The following DTWD2 variants were observed in gnomAD, a reference collection of about 807,000 sequenced individuals.
DTWD2 encodes tRNA-uridine aminocarboxypropyltransferase 2.
DTWD2 carries 39 observed loss-of-function variants against 31.8 expected under a neutral mutation model. The observed-to-expected ratio is 1.22, with a 90% CI of 0.95 to 1.60. The LOEUF is 1.60. DTWD2 is among the 40% of genes most tolerant of loss of function. The pLI is 0.00. For missense variants in DTWD2, 515 were observed against 381.5 expected, an observed-to-expected ratio of 1.35 and a Z score of -2.92; for synonymous variants, 180 against 142.8, an observed-to-expected ratio of 1.26 and a Z score of -1.86.
At chr5:118,887,086 T>A (rs975210215) in intron 4 of DTWD2, among the ~76,000 whole-genome samples, 1 of 152,174 alleles carries the variant, frequency 6.6e-6, no homozygotes, top group Admixed American at 6.5e-5. Flanking sequence ...CAAAAAAATT[T>A]TTCTGAGTGG....
chr5:118,857,213 T>C (rs1350798232), intron 4 of DTWD2, among the ~76,000 whole-genome samples: 1 of 152,172 alleles, frequency 6.6e-6, no homozygotes, highest in Non-Finnish European at 1.5e-5. Context: ...GAGTGAACTT[T>C]CCTATTCATG....
chr5:118,840,865 T>G lies in DTWD2; in HGVS notation c.*52A>C, dbSNP rs1177357323. On this transcript the variant is annotated 3_prime_UTR_variant, in exon 6 of 6. Transcript: ENST00000510708. The stretch of plus-strand genomic sequence containing the variant: ...AGACCTTAACTATATGAAAACTTAA[T>G]TTGGTATTGTTAGATGAAGACAGTT... The G allele has an allele frequency of 4.5e-6, 7 of 1,563,186 alleles. No individual in the cohort carries two copies. In the East Asian group the frequency reaches 1.4e-4, roughly 31 times the overall value.
rs1236192433 is a variant in DTWD2, at chr5:118,836,776, A to G, written c.*4141T>C. 1.3e-5 allele frequency among the ~76,000 whole-genome samples: 2 copies of G among 152,190 alleles called. No individual in the cohort carries two copies. The highest frequency in any genetic ancestry group is 4.8e-5 in the African/African-American group (2 of 41,450). On this transcript the variant is annotated 3_prime_UTR_variant, in exon 6 of 6. Coordinates refer to ENST00000510708, the MANE Select transcript of DTWD2 (RefSeq NM_173666.4). ...GGTGAAGACACAGCTAGAATGCACC[A>G]TCTATGAACCAGTGAGTGGGCCCCT...
rs77980374 is a variant in DTWD2 at position 118,947,855 on chromosome 5, A to T, written c.219-3206T>A. The stretch of plus-strand genomic sequence containing the variant: ...TAACTTTTATCTGTAAAACTTAGTT[A>T]AAAAGGGCAGTTCAAATAAGTTGAT... On this transcript the variant is annotated intron_variant, in intron 1 of 5. Coordinates refer to ENST00000510708, the MANE Select transcript of DTWD2 (RefSeq NM_173666.4). Among the ~76,000 whole-genome samples, 875 of 152,302 alleles carry T rather than the reference A, an allele frequency of 5.7e-3. 27 individuals carry two copies. The East Asian group carries it at 0.094, about 16-fold the overall frequency.
At chr5:118,940,274 G>C (rs1191871933) in intron 2 of DTWD2, among the ~76,000 whole-genome samples, 1 of 152,156 alleles carries the variant, frequency 6.6e-6, no homozygotes, top group South Asian at 2.1e-4. Context: ...CTCCGCCTTA[G>C]GTGGTTTTAG....
intron 5 of DTWD2, among the ~76,000 whole-genome samples, chr5:118,846,920 GCACA>G (rs144531960): frequency 0.047 from 6,376 of 134,852 alleles, 149 homozygotes; most frequent in Non-Finnish European, 0.055. Flanking sequence ...AAACACACAG[GCACA>G]CACACACACA....
chr5:118,985,529 T>C (rs921016152), intron 1 of DTWD2, among the ~76,000 whole-genome samples: 11 of 136,970 alleles, frequency 8.0e-5, no homozygotes, highest in South Asian at 2.4e-4. Context: ...CACACACATA[T>C]ATACATACAT....
chr5:118,909,424 C>G (rs1295135646), intron 4 of DTWD2, among the ~76,000 whole-genome samples: 3 of 152,226 alleles, frequency 2.0e-5, no homozygotes, highest in Non-Finnish European at 4.4e-5. Context: ...AGCCAAGCCA[C>G]TGCAGACCCC....
chr5:118,842,754 A>C (rs1277877912), intron 5 of DTWD2, among the ~76,000 whole-genome samples: 1 of 148,016 alleles, frequency 6.8e-6, no homozygotes, highest in Non-Finnish European at 1.5e-5. Flanking sequence ...GCAACATGGC[A>C]AGACCCTGTT....
chr5:118,932,757 C>G (rs564809923), intron 3 of DTWD2, among the ~76,000 whole-genome samples: 125 of 152,230 alleles, frequency 8.2e-4, no homozygotes, highest in African/African-American at 2.7e-3. Flanking sequence ...AAGGAGAGGC[C>G]TCAGGAGAAA....
rs1283649694 is a variant in DTWD2 at position 118,978,336 on chromosome 5, C to T, written c.218+9958G>A. 2.6e-5 allele frequency among the ~76,000 whole-genome samples: 4 copies of T among 152,190 alleles called. No individual in the cohort carries two copies. The East Asian group carries it at 7.7e-4, about 29-fold the overall frequency. ...ACGGGCCAAGATCTCATGACAAAAA[C>T]ACCAAAAGCAATTTTGCAACAAAAG... On this transcript the variant is annotated intron_variant, in intron 1 of 5. Transcript: ENST00000510708.
At chr5:118,953,728 T>C (rs751260457) in intron 1 of DTWD2, among the ~76,000 whole-genome samples, 1 of 152,208 alleles carries the variant, frequency 6.6e-6, no homozygotes, top group Non-Finnish European at 1.5e-5. Context: ...ACCTTCCACC[T>C]GAGCTGGACT....
chr5:118,924,792 G>A (rs1753775757), intron 4 of DTWD2, among the ~76,000 whole-genome samples: 3 of 152,274 alleles, frequency 2.0e-5, no homozygotes, highest in Admixed American at 2.0e-4. Context: ...GCTCTAACAA[G>A]ATGGGTTCAA....
chr5:118,842,652 C>G (rs1339874108), intron 5 of DTWD2, among the ~76,000 whole-genome samples: 1 of 151,940 alleles, frequency 6.6e-6, no homozygotes, highest in Admixed American at 6.6e-5. Context: ...TAATTCCTTA[C>G]TGTAATATAC....
chr5:118,930,424 T>C (rs765387035), intron 3 of DTWD2, among the ~76,000 whole-genome samples: 3 of 152,116 alleles, frequency 2.0e-5, no homozygotes, highest in South Asian at 2.1e-4. Flanking sequence ...AATAAAGAGT[T>C]TGAAAGTCAT....
intron 1 of DTWD2, among the ~76,000 whole-genome samples, chr5:118,956,097 C>G (rs1754578479): frequency 1.3e-5 from 2 of 152,154 alleles, no homozygotes; most frequent in Admixed American, 6.5e-5. Context: ...CCGAACAAAA[C>G]TGGTAACAAT....
intron 4 of DTWD2, among the ~76,000 whole-genome samples, chr5:118,851,522 C>A (rs1408528594): frequency 6.6e-6 from 1 of 151,884 alleles, no homozygotes; most frequent in Non-Finnish European, 1.5e-5. Context: ...GAACAAAGAT[C>A]ACATGCTTCT....
intron 4 of DTWD2, among the ~76,000 whole-genome samples, chr5:118,858,372 G>A (rs968104753): frequency 1.3e-5 from 2 of 152,152 alleles, no homozygotes; most frequent in Non-Finnish European, 2.9e-5. Context: ...AGTTTCTAAT[G>A]TTGACACAGA....
At chr5:118,922,788 G>A (rs17144815) in intron 4 of DTWD2, among the ~76,000 whole-genome samples, 12,451 of 152,066 alleles carry the variant, frequency 0.082, 1,511 homozygotes, top group African/African-American at 0.27. Context: ...AACAGCCCAC[G>A]TCCTCTGAGG....
Sources: gnomAD v4.1 joint callset for allele counts (sites outside exome capture counted in the v4.1 genomes callset) on GRCh38, gnomAD v4.1.1 for gene constraint, MANE v1.5 for transcripts, NCBI Gene and HGNC (gene_info 2026-07-23, HGNC 2026-07-21) for gene names.